TIMM8B: variants seen among roughly 807,000 people sequenced by gnomAD.
TIMM8B encodes mitochondrial import inner membrane translocase subunit Tim8 B.
A neutral mutation model predicts 8.5 loss-of-function variants in TIMM8B; 5 were observed. The observed-to-expected ratio is 0.59, with a 90% CI of 0.31 to 1.24. The LOEUF is 1.24. TIMM8B is among the 50% of genes most tolerant of loss of function. The pLI, the probability that TIMM8B is intolerant of heterozygous loss-of-function variation, is 0.07. For synonymous variants in TIMM8B, 44 were observed against 39.9 expected, an observed-to-expected ratio of 1.10 and a Z score of -0.39; for missense variants, 104 against 109.2, an observed-to-expected ratio of 0.95 and a Z score of 0.21.
In TIMM8B at chr11:112,085,297, A is replaced by C; in HGVS notation, c.250T>G (p.Ter84GluextTer18). The change falls in exon 2 of 2, where the codon TAG (stop) becomes GAG (glutamate). Residue 84 changes from the stop codon to glutamate, a stop_lost. Transcript: ENST00000504148. ...CTGTCATTCTCCTGGGGGATGGCCT[A>C]CTGCCCTCCTTTCTGTACAATCTGG... ...FAQIVQKGGQ[*>E] 6.2e-7 allele frequency: 1 copy of C among 1,610,076 alleles called. No individual in the cohort carries two copies. The highest frequency in any genetic ancestry group is 8.5e-7 in the Non-Finnish European group (1 of 1,178,532).
intron 1 of TIMM8B, chr11:112,086,054 G>T: frequency 8.5e-7 from 1 of 1,175,016 alleles, no homozygotes; most frequent in Non-Finnish European, 1.1e-6. Context: ...TCCCATTTAA[G>T]AGGCGTGATT....
Position 112,085,204 on chromosome 11 carries a change from A to G in TIMM8B, c.*91T>C. 1 of 1,030,956 alleles carries G rather than the reference A, an allele frequency of 9.7e-7. No individual in the cohort carries two copies. The highest frequency in any genetic ancestry group is 1.4e-6 in the Non-Finnish European group (1 of 717,984). 63.9% of individuals were successfully genotyped at this position (1,030,956 alleles called of 1,614,324 possible). A position where few individuals can be genotyped will look rare whatever the true frequency, so the allele number is the denominator to read the frequency against. On this transcript the variant is annotated 3_prime_UTR_variant, in exon 2 of 2. Coordinates refer to ENST00000504148, the MANE Select transcript of TIMM8B (RefSeq NM_012459.4). ...CAGACTTGATAACAGCCTGATGCTG[A>G]TCTGACAATGGGTTGATAGCCTTCC...
At chr11:112,085,584 G>A in intron 1 of TIMM8B, 122 bp from the exon 2 acceptor site, 1 of 768,580 alleles carries the variant, frequency 1.3e-6, no homozygotes, top group East Asian at 2.7e-5. Context: ...GAGTCACTTT[G>A]GGCTCTTCTC....
In TIMM8B at chr11:112,085,380, A is replaced by G; in HGVS notation, c.167T>C (p.Leu56Pro). The G allele has an allele frequency of 6.2e-7, 1 of 1,614,010 alleles. No homozygotes were observed. Among genetic ancestry groups the G allele is most frequent in the Non-Finnish European group, 8.5e-7 (1 of 1,180,028 alleles). ...NRLDSRTENC[L>P]SSCVDRFIDT... is the part of the protein sequence containing the mutation. ...AATGAAGCGGTCTACACAGCTGGAG[A>G]GACAATTTTCAGTGCGAGAGTCTAG... Residue 56 changes from leucine to proline, a missense_variant, in exon 2 of 2, where the codon CTC (leucine) becomes CCC (proline). Leu to Pro is a moderately conservative substitution (Grantham distance 98). Transcript: ENST00000504148.
At chr11:112,086,315 A>G (rs1318456374) in intron 1 of TIMM8B, 1 of 539,716 alleles carries the variant, frequency 1.9e-6, no homozygotes, top group South Asian at 1.5e-5. Flanking sequence ...CGTGGCCTGC[A>G]AGGAGCAGAG....
rs7117207 is a variant in TIMM8B at position 112,086,091 on chromosome 11, A to C, written c.84+549T>G. ...TGTAGTCCAAGGTCATGTAGCCAGC[A>C]AGAAGTCAGGCCGCGTTAGAACCAT... is the stretch of plus-strand genomic sequence containing the variant. On this transcript the variant is annotated intron_variant, in intron 1 of 1. Coordinates refer to ENST00000504148, the MANE Select transcript of TIMM8B (RefSeq NM_012459.4). 3,341 of 1,206,418 alleles carry C rather than the reference A, an allele frequency of 2.8e-3. 77 individuals carry two copies. In the African/African-American group the frequency reaches 0.047, roughly 17 times the overall value. The allele number at this position is 1,206,418 out of a possible 1,614,324, so 74.7% of individuals were successfully genotyped here.
intron 1 of TIMM8B, 193 bp downstream of exon 1, chr11:112,086,447 C>A: frequency 1.1e-6 from 1 of 886,892 alleles, no homozygotes; most frequent in East Asian, 2.7e-5. Context: ...CTCCACGCTA[C>A]GCTTATATAC....
At chr11:112,086,102 C>A in intron 1 of TIMM8B, 1 of 1,194,416 alleles carries the variant, frequency 8.4e-7, no homozygotes, top group Non-Finnish European at 1.1e-6. Flanking sequence ...AGAAGTCAGG[C>A]CGCGTTAGAA....
chr11:112,086,177 C>A, intron 1 of TIMM8B: 1 of 574,732 alleles, frequency 1.7e-6, no homozygotes, highest in Non-Finnish European at 3.0e-6. Flanking sequence ...CTTCAGAGTC[C>A]ACCTTCCTCC....
chr11:112,085,534 T>G (rs1865576728), intron 1 of TIMM8B, 72 bp from the exon 2 acceptor site: 1 of 1,313,412 alleles, frequency 7.6e-7, no homozygotes, highest in Non-Finnish European at 1.0e-6. Context: ...AACTTCTCAC[T>G]TTTTGACACC....
rs780769519 is a variant in TIMM8B, at chr11:112,085,379, G to A, written c.168C>T (p.Leu56=). 6.2e-6 allele frequency: 10 copies of A among 1,613,986 alleles called. No homozygotes were observed. The highest frequency in any genetic ancestry group is 1.3e-5 in the African/African-American group (1 of 75,040). The change falls in exon 2 of 2, where the codon CTC becomes CTT. Residue 56 remains leucine (L), a synonymous_variant. Coordinates refer to ENST00000504148, the MANE Select transcript of TIMM8B (RefSeq NM_012459.4). ...NRLDSRTENC[L]SSCVDRFIDT... ...CAATGAAGCGGTCTACACAGCTGGA[G>A]AGACAATTTTCAGTGCGAGAGTCTA...
At chr11:112,086,257 G>A (rs1484383122) in intron 1 of TIMM8B, 1 of 494,528 alleles carries the variant, frequency 2.0e-6, no homozygotes, top group South Asian at 1.5e-5. Flanking sequence ...GCAGTGGGGT[G>A]ACGGCGACAC....
chr11:112,085,611 T>C, intron 1 of TIMM8B, 149 bp from the exon 2 acceptor site: 1 of 644,738 alleles, frequency 1.6e-6, no homozygotes, highest in Non-Finnish European at 2.6e-6. Context: ...CATTTCCTAA[T>C]TAGTCACCAA....
intron 1 of TIMM8B, 104 bp downstream of exon 1, chr11:112,086,536 G>T: frequency 6.9e-7 from 1 of 1,451,792 alleles, no homozygotes; most frequent in Non-Finnish European, 9.1e-7. Context: ...GGATGCAGCC[G>T]GGATCGAGCA....
rs763107283 is a variant in TIMM8B, at chr11:112,086,740, G to A, written c.-17C>T. The A allele has an allele frequency of 1.3e-5, 21 of 1,600,018 alleles. No homozygotes were observed. In the South Asian group the frequency reaches 2.3e-4, roughly 18 times the overall value. ...CTCCGCCATTGTTCGCCTCAGGCTCGCCACCTTCCGACAGCTGTGTTTGCG... is the reference window on the plus strand; with the variant it reads ...CTCCGCCATTGTTCGCCTCAGGCTCACCACCTTCCGACAGCTGTGTTTGCG... On this transcript the variant is annotated 5_prime_UTR_variant, in exon 1 of 2. Transcript: ENST00000504148.
At position 112,086,488 on chromosome 11, in the gene TIMM8B, A is replaced by T. The variant is rs192773150; in HGVS notation, c.84+152T>A. The stretch of plus-strand genomic sequence containing the variant: ...ACCTGAGCACTACCGGTCACCAGGG[A>T]CAGGAGAGCCATAACTTTGTCTTTC... On this transcript the variant is annotated intron_variant, in intron 1 of 1. Transcript: ENST00000504148. The T allele has an allele frequency of 4.2e-6, 5 of 1,179,202 alleles. No homozygotes were observed. In the Admixed American group the frequency reaches 8.9e-5, roughly 21 times the overall value. 73.0% of individuals were successfully genotyped at this position (1,179,202 alleles called of 1,614,324 possible). A position where few individuals can be genotyped will look rare whatever the true frequency, so the allele number is the denominator to read the frequency against.
chr11:112,086,162 G>A, intron 1 of TIMM8B: 1 of 682,598 alleles, frequency 1.5e-6, no homozygotes, highest in Non-Finnish European at 2.3e-6. Context: ...AGTCTACAGC[G>A]ACTACTTCAG....
intron 1 of TIMM8B, 59 bp from the exon 2 acceptor site, chr11:112,085,521 ATTAAC>A: frequency 7.0e-6 from 10 of 1,429,438 alleles, no homozygotes; most frequent in Non-Finnish European, 9.5e-6. Flanking sequence ...ACTCTTGTTT[ATTAAC>A]TTCTCACTTT....
Position 112,085,180 on chromosome 11 carries a change from A to G in TIMM8B, c.*115T>C. Reference sequence around the variant, plus strand: ...TCATCTTTTACTTTTTAGCACCAACAGACTTGATAACAGCCTGATGCTGAT... The same window carrying G: ...TCATCTTTTACTTTTTAGCACCAACGGACTTGATAACAGCCTGATGCTGAT... On this transcript the variant is annotated 3_prime_UTR_variant, in exon 2 of 2. Coordinates refer to ENST00000504148, the MANE Select transcript of TIMM8B (RefSeq NM_012459.4). 1 of 745,340 alleles carries G rather than the reference A, an allele frequency of 1.3e-6. No homozygotes were observed. 46.2% of individuals were successfully genotyped at this position (745,340 alleles called of 1,614,324 possible).
Sources: gnomAD v4.1 joint callset for allele counts on GRCh38, gnomAD v4.1.1 for gene constraint, MANE v1.5 for transcripts, NCBI Gene and HGNC (gene_info 2026-07-23, HGNC 2026-07-21) for gene names.